The following ARB2A variants were observed in gnomAD, a reference collection of about 807,000 sequenced individuals.
ARB2A encodes the protein ARB2 cotranscriptional regulator A, also known as cotranscriptional regulator ARB2A.
At chr5:93,854,623 T>C in the ARB2A span, among the ~76,000 whole-genome samples, 6 of 152,238 alleles carry the variant, frequency 3.9e-5, no homozygotes, top group Non-Finnish European at 7.3e-5. Context: ...ACACACTGCT[T>C]TGAATGTGTC....
chr5:93,824,061 T>G, the ARB2A span: 2 of 1,124,072 alleles, frequency 1.8e-6, no homozygotes, highest in Admixed American at 6.1e-5. Flanking sequence ...TAACATAACT[T>G]AAAGAGTATT....
chr5:93,678,890 A>G, the ARB2A span, among the ~76,000 whole-genome samples: 15 of 152,204 alleles, frequency 9.9e-5, no homozygotes, highest in Non-Finnish European at 1.3e-4. Context: ...GTCCCATGTG[A>G]ACTGAGGATT....
the ARB2A span, among the ~76,000 whole-genome samples, chr5:93,792,635 G>C: frequency 0.012 from 1,729 of 144,850 alleles, 31 homozygotes; most frequent in African/African-American, 0.042. Context: ...CTCACTCATA[G>C]ATGGGAATTG....
chr5:93,628,103 C>T, the ARB2A span, among the ~76,000 whole-genome samples: 11 of 137,366 alleles, frequency 8.0e-5, no homozygotes, highest in Non-Finnish European at 1.7e-4. Flanking sequence ...CTCTGTCACC[C>T]AGGCTGGTGT....
At chr5:93,805,868 G>A in the ARB2A span, 1 of 985,070 alleles carries the variant, frequency 1.0e-6, no homozygotes, top group Non-Finnish European at 1.2e-6. Context: ...CTTCCACATA[G>A]CTAAGCGAAA....
At chr5:94,090,520 T>C in the ARB2A span, among the ~76,000 whole-genome samples, 1 of 152,230 alleles carries the variant, frequency 6.6e-6, no homozygotes, top group Non-Finnish European at 1.5e-5. Context: ...CTTTATTTAT[T>C]TTTCTTTTCT....
At chr5:93,915,174 A>C in the ARB2A span, among the ~76,000 whole-genome samples, 12 of 151,928 alleles carry the variant, frequency 7.9e-5, no homozygotes, top group Non-Finnish European at 1.6e-4. Context: ...ACACTCTATC[A>C]ATGACCACAA....
chr5:94,084,655 C>A, the ARB2A span, among the ~76,000 whole-genome samples: 1 of 152,038 alleles, frequency 6.6e-6, no homozygotes, highest in East Asian at 1.9e-4. Flanking sequence ...AGAAAGCATG[C>A]CATTAATACT....
the ARB2A span, among the ~76,000 whole-genome samples, chr5:93,854,242 C>T: frequency 5.3e-5 from 8 of 152,214 alleles, no homozygotes; most frequent in African/African-American, 1.4e-4. Context: ...AGTTTATTTG[C>T]GTAGAGGTGT....
the ARB2A span, among the ~76,000 whole-genome samples, chr5:94,039,986 T>C: frequency 6.6e-6 from 1 of 151,980 alleles, no homozygotes; most frequent in Non-Finnish European, 1.5e-5. Flanking sequence ...AGGCCCAACT[T>C]AGGGGAGTTA....
the ARB2A span, among the ~76,000 whole-genome samples, chr5:93,882,688 G>T: frequency 6.6e-6 from 1 of 151,184 alleles, no homozygotes; most frequent in Non-Finnish European, 1.5e-5. Flanking sequence ...TATATATCTT[G>T]TCTTTTCTAT....
At chr5:94,095,983 C>T in the ARB2A span, among the ~76,000 whole-genome samples, 10 of 152,164 alleles carry the variant, frequency 6.6e-5, no homozygotes, top group Non-Finnish European at 1.3e-4. Context: ...TCTTTTCTAT[C>T]CCAACATCCT....
chr5:93,706,589 C>T, the ARB2A span, among the ~76,000 whole-genome samples: 28 of 151,810 alleles, frequency 1.8e-4, no homozygotes, highest in South Asian at 5.0e-3. Flanking sequence ...GCCAGGAGGC[C>T]GGGCACGGTG....
chr5:94,018,592 T>C, the ARB2A span, among the ~76,000 whole-genome samples: 25 of 152,270 alleles, frequency 1.6e-4, no homozygotes, highest in Middle Eastern at 3.4e-3. Context: ...TCCATGAGCA[T>C]GAAATGTTTT....
chr5:93,692,159 C>G, the ARB2A span, among the ~76,000 whole-genome samples: 1 of 152,106 alleles, frequency 6.6e-6, no homozygotes, highest in Non-Finnish European at 1.5e-5. Flanking sequence ...ATGACAGGCT[C>G]AAATTCACAC....
At chr5:94,069,644 C>T in the ARB2A span, among the ~76,000 whole-genome samples, 2 of 152,070 alleles carry the variant, frequency 1.3e-5, no homozygotes, top group South Asian at 4.1e-4. Context: ...ATAAACATTT[C>T]TAAAAAGAAG....
At chr5:94,056,420 A>G in the ARB2A span, among the ~76,000 whole-genome samples, 4 of 152,216 alleles carry the variant, frequency 2.6e-5, no homozygotes, top group South Asian at 2.1e-4. Context: ...GTAAGAGAAA[A>G]GCAATAATGT....
the ARB2A span, among the ~76,000 whole-genome samples, chr5:94,041,177 T>C: frequency 2.0e-5 from 3 of 151,860 alleles, no homozygotes; most frequent in Admixed American, 6.6e-5. Flanking sequence ...TTTTGATTAA[T>C]GGGAAAAAGG....
chr5:94,050,893 T>C, the ARB2A span: 3 of 1,122,284 alleles, frequency 2.7e-6, no homozygotes, highest in South Asian at 1.5e-5. Flanking sequence ...ATATAAACAG[T>C]ACAACAAAGA....
Sources: gnomAD v4.1 joint callset for allele counts (sites outside exome capture counted in the v4.1 genomes callset) on GRCh38, gnomAD v4.1.1 for gene constraint, MANE v1.5 for transcripts, NCBI Gene and HGNC (gene_info 2026-07-23, HGNC 2026-07-21) for gene names.